The following PVT1 variants were observed in gnomAD, a reference collection of about 807,000 sequenced individuals.
PVT1 encodes the protein CXCR4/PVT1 fusion.
chr8:127,970,285 A>ATTTTTTTTTT (rs1321419703), intron 3 of PVT1, among the ~76,000 whole-genome samples: 9 of 26,818 alleles, frequency 3.4e-4, no homozygotes, highest in South Asian at 2.0e-3. Context: ...ATCTGCCATG[A>ATTTTTTTTTT]TTTGTTTTTT....
intron 5 of PVT1, among the ~76,000 whole-genome samples, chr8:128,072,556 A>G (rs1179055719): frequency 6.6e-6 from 1 of 152,182 alleles, no homozygotes; most frequent in Non-Finnish European, 1.5e-5. Context: ...TTCCACTTAC[A>G]CTGACAAAAA....
chr8:127,991,470 C>A (rs6995630), intron 4 of PVT1, among the ~76,000 whole-genome samples: 40,215 of 151,956 alleles, frequency 0.26, 5,441 homozygotes, highest in East Asian at 0.41. Context: ...CTGAGGCAGG[C>A]TTAGGGAGCA....
intron 3 of PVT1, among the ~76,000 whole-genome samples, chr8:127,913,682 C>T (rs2129850155): frequency 6.6e-6 from 1 of 152,270 alleles, no homozygotes; most frequent in Non-Finnish European, 1.5e-5. Context: ...TTCTCTTCTG[C>T]TGGGGAAATG....
chr8:128,002,626 C>G (rs75690947), intron 4 of PVT1, among the ~76,000 whole-genome samples: 2,549 of 152,252 alleles, frequency 0.017, 78 homozygotes, highest in African/African-American at 0.059. Context: ...TTGCATCATC[C>G]AAGTCTCTGC....
Position 128,042,733 on chromosome 8 carries a change from G to GATTTATTTTATTTTA in PVT1, n.913-27427_913-27426insATTTATTTTATTTTA, listed in dbSNP as rs1563673627. ...CATCTATGAGGAGATTGGACTAGGTGGTTTATTTTATTTTATTTTATTTTA... is the reference window on the plus strand; with the variant it reads ...CATCTATGAGGAGATTGGACTAGGTGATTTATTTTATTTTAGTTTATTTTATTTTATTTTATTTTA... On this transcript the variant is annotated intron_variant and non_coding_transcript_variant, in intron 4 of 10. Transcript: ENST00000651587. 1.7e-3 allele frequency among the ~76,000 whole-genome samples: 136 copies of GATTTATTTTATTTTA among 78,234 alleles called. 1 individual carries two copies. The highest frequency in any genetic ancestry group is 5.6e-3 in the African/African-American group (130 of 23,306). The allele number at this position is 78,234 out of a possible 152,430, so 51.3% of individuals were successfully genotyped here.
chr8:128,072,418 A>G (rs1483118263), intron 5 of PVT1, among the ~76,000 whole-genome samples: 2 of 152,190 alleles, frequency 1.3e-5, no homozygotes, highest in Non-Finnish European at 2.9e-5. Context: ...TATTTTTAAA[A>G]TCAGGTTTTC....
intron 5 of PVT1, among the ~76,000 whole-genome samples, chr8:128,085,388 T>C (rs1814243413): frequency 6.6e-6 from 1 of 152,226 alleles, no homozygotes; most frequent in South Asian, 2.1e-4. Flanking sequence ...AAACAATTAT[T>C]GTTTTACAAC....
rs34623953 is a variant in PVT1, at chr8:127,817,460, A to AATATAT, written n.372+21400_372+21405dup. On this transcript the variant is annotated intron_variant and non_coding_transcript_variant, in intron 2 of 10. Transcript: ENST00000651587. ...ACAGACTCAATTTAACCCTTAGGGAAATATATATATATATATGTGTGTGTG... is the reference window on the plus strand; with the variant it reads ...ACAGACTCAATTTAACCCTTAGGGAAATATATATATATATATATATATGTGTGTGTG... Among the ~76,000 whole-genome samples, 145 of 83,512 alleles carry AATATAT rather than the reference A, an allele frequency of 1.7e-3. 3 individuals are homozygous for AATATAT. The highest frequency in any genetic ancestry group is 5.2e-3 in the African/African-American group (140 of 26,792). The allele number at this position is 83,512 out of a possible 152,430, so 54.8% of individuals were successfully genotyped here. A position where few individuals can be genotyped will look rare whatever the true frequency, so the allele number is the denominator to read the frequency against.
intron 2 of PVT1, among the ~76,000 whole-genome samples, chr8:127,853,117 C>T (rs1202598938): frequency 1.3e-5 from 2 of 152,138 alleles, no homozygotes; most frequent in Non-Finnish European, 2.9e-5. Context: ...AGAAGGACAG[C>T]GAGTCTTCCC....
At chr8:127,894,943 G>T (rs1056525292) in intron 3 of PVT1, among the ~76,000 whole-genome samples, 1 of 152,202 alleles carries the variant, frequency 6.6e-6, no homozygotes, top group Admixed American at 6.5e-5. Flanking sequence ...AAGCTAGATT[G>T]AAAACAATAA....
intron 2 of PVT1, among the ~76,000 whole-genome samples, chr8:127,864,985 A>G (rs1376966462): frequency 6.6e-6 from 1 of 152,200 alleles, no homozygotes. Flanking sequence ...AGGATCTAAG[A>G]CCAGAACTAG....
intron 5 of PVT1, among the ~76,000 whole-genome samples, chr8:128,091,138 AGCAGGACAG>A (rs1814345507): frequency 6.6e-6 from 1 of 152,174 alleles, no homozygotes. Context: ...TTTTTAGCCC[AGCAGGACAG>A]GGAGGAGTGT....
At chr8:127,808,600 G>T (rs1325478281) in intron 2 of PVT1, among the ~76,000 whole-genome samples, 5 of 152,042 alleles carry the variant, frequency 3.3e-5, no homozygotes, top group Non-Finnish European at 7.4e-5. Context: ...CTTTTTGTTG[G>T]GTAGATGGTG....
At chr8:127,853,552 T>TG (rs1007790063) in intron 2 of PVT1, among the ~76,000 whole-genome samples, 136 of 152,112 alleles carry the variant, frequency 8.9e-4, no homozygotes, top group African/African-American at 3.0e-3. Flanking sequence ...AGATCAAAGC[T>TG]GGGGGATCAC....
chr8:128,057,769 C>A (rs796798717), intron 4 of PVT1, among the ~76,000 whole-genome samples: 4 of 152,144 alleles, frequency 2.6e-5, no homozygotes, highest in Non-Finnish European at 4.4e-5. Flanking sequence ...AAATCTCCCC[C>A]ACGGTGTGTG....
At position 127,806,482 on chromosome 8, in the gene PVT1, G is replaced by A. The variant is rs139711884; in HGVS notation, n.372+10411G>A. On this transcript the variant is annotated intron_variant and non_coding_transcript_variant, in intron 2 of 10. Transcript: ENST00000651587. ...CTAAAAAATTAAAAAAAAAAGCAAA[G>A]TGGATGATAAATGTGAAAAGATTCT... Among the ~76,000 whole-genome samples, 21 of 152,012 alleles carry A rather than the reference G, an allele frequency of 1.4e-4. No individual in the cohort carries two copies. In the East Asian group the frequency reaches 4.1e-3, roughly 29 times the overall value.
chr8:127,946,197 C>T (rs554340753), intron 3 of PVT1, among the ~76,000 whole-genome samples: 1 of 152,196 alleles, frequency 6.6e-6, no homozygotes, highest in Non-Finnish European at 1.5e-5. Flanking sequence ...CTCTCCCAAG[C>T]TTGTTGGGTT....
rs563401026 is a variant in PVT1, at chr8:127,837,091, G to A, written n.372+41020G>A. On this transcript the variant is annotated intron_variant and non_coding_transcript_variant, in intron 2 of 10. Coordinates refer to ENST00000651587, the Ensembl canonical transcript of PVT1. The stretch of plus-strand genomic sequence containing the variant: ...TGTTATTTGTCTGGGAAGTGGCAGC[G>A]CTCTTTGGAATCTTGTTCATGACTG... 1.6e-3 allele frequency among the ~76,000 whole-genome samples: 247 copies of A among 152,268 alleles called. 7 individuals are homozygous for A. In the South Asian group the frequency reaches 0.049, roughly 30 times the overall value.
At chr8:127,932,744 T>A (rs530059888) in intron 3 of PVT1, 5 of 309,930 alleles carry the variant, frequency 1.6e-5, no homozygotes, top group Non-Finnish European at 2.7e-5. Context: ...TTCTTATTTT[T>A]ATCTCAATAA....
Sources: gnomAD v4.1 joint callset for allele counts (sites outside exome capture counted in the v4.1 genomes callset) on GRCh38, gnomAD v4.1.1 for gene constraint, MANE v1.5 for transcripts, NCBI Gene and HGNC (gene_info 2026-07-23, HGNC 2026-07-21) for gene names.